The following MED13L variants were observed in gnomAD, a reference collection of about 807,000 sequenced individuals.
MED13L encodes mediator complex subunit 13L.
In MED13L, 7 loss-of-function variants were observed where a neutral mutation model predicts 220.9. The ratio of observed to expected loss-of-function variants is 0.03; its 90% CI spans 0.02 to 0.06. MED13L has a LOEUF of 0.06. MED13L is among the 10% of genes least tolerant of loss of function. The probability of loss-of-function intolerance (pLI) is 1.00; values close to 1 mark genes in which losing one functional copy is unlikely to be tolerated. For synonymous variants in MED13L, 1,011 were observed against 1,015.2 expected, an observed-to-expected ratio of 1.00 and a Z score of 0.08; for missense variants, 1,965 against 2,760.5, an observed-to-expected ratio of 0.71 and a Z score of 6.46.
chr12:116,184,643 C>A (rs1880757218), intron 2 of MED13L, among the ~76,000 whole-genome samples: 1 of 152,166 alleles, frequency 6.6e-6, no homozygotes, highest in Non-Finnish European at 1.5e-5. Flanking sequence ...TATACCAGAT[C>A]TCTAAGTTGC....
At chr12:116,056,346 C>T (rs1010195391) in intron 4 of MED13L, among the ~76,000 whole-genome samples, 11 of 151,816 alleles carry the variant, frequency 7.2e-5, no homozygotes, top group Non-Finnish European at 1.6e-4. Context: ...GGCACAATCA[C>T]GGCTCACTGC....
In MED13L at chr12:115,995,695, AT is replaced by A. The variant is rs1176377523; in HGVS notation, c.2996+780del. 1.3e-4 allele frequency among the ~76,000 whole-genome samples: 20 copies of A among 152,168 alleles called. 1 individual carries two copies. Among genetic ancestry groups the A allele is most frequent in the African/African-American group, 4.8e-4 (20 of 41,448 alleles). On this transcript the variant is annotated intron_variant, in intron 16 of 30. Coordinates refer to ENST00000281928, the MANE Select transcript of MED13L (RefSeq NM_015335.5). The stretch of plus-strand genomic sequence containing the variant: ...ACCTCGGCCTCCCAAAAGTGTTGGG[AT>A]TACGGTTTGAGCCACCGCACCCGGC...
chr12:115,967,784 C>T (rs1365111059), intron 28 of MED13L, among the ~76,000 whole-genome samples: 1 of 152,122 alleles, frequency 6.6e-6, no homozygotes, highest in Non-Finnish European at 1.5e-5. Context: ...AAATTAAACC[C>T]AACTTTAAAA....
intron 27 of MED13L, among the ~76,000 whole-genome samples, chr12:115,969,391 G>GTTTT (rs1322766607): frequency 3.3e-5 from 5 of 152,012 alleles, no homozygotes; most frequent in Non-Finnish European, 7.4e-5. Flanking sequence ...ATAAAAGTAT[G>GTTTT]GTAAAAGAGC....
intron 4 of MED13L, among the ~76,000 whole-genome samples, chr12:116,061,102 A>ATACT (rs1869439922): frequency 6.6e-6 from 1 of 152,226 alleles, no homozygotes; most frequent in East Asian, 1.9e-4. Context: ...TAACTTAGTA[A>ATACT]GACTATAGAT....
At chr12:116,091,269 T>A (rs1315875032) in intron 4 of MED13L, among the ~76,000 whole-genome samples, 1 of 152,078 alleles carries the variant, frequency 6.6e-6, no homozygotes, top group Admixed American at 6.6e-5. Context: ...TACTTTAAAG[T>A]GTAAAAATCA....
At chr12:116,251,369 C>G (rs1871540962) in intron 1 of MED13L, among the ~76,000 whole-genome samples, 1 of 124,804 alleles carries the variant, frequency 8.0e-6, no homozygotes, top group African/African-American at 3.0e-5. Context: ...ACTGTGTTAG[C>G]CACGATGGTC....
intron 14 of MED13L, 71 bp from the exon 15 acceptor site, chr12:115,997,301 C>A: frequency 7.5e-7 from 1 of 1,325,778 alleles, no homozygotes. Flanking sequence ...TATAGCCAGG[C>A]GCACTCTTTG....
At chr12:116,088,027 T>C (rs997101906) in intron 4 of MED13L, among the ~76,000 whole-genome samples, 2 of 152,014 alleles carry the variant, frequency 1.3e-5, no homozygotes, top group South Asian at 2.1e-4. Context: ...GAAGAAGATA[T>C]TAAAATCTGC....
intron 4 of MED13L, among the ~76,000 whole-genome samples, chr12:116,048,242 T>C (rs1299593299): frequency 6.6e-6 from 1 of 152,080 alleles, no homozygotes; most frequent in African/African-American, 2.4e-5. Context: ...CTCTAGGAAC[T>C]GAAAAAGGAA....
chr12:115,993,213 C>T (rs1207087282), intron 16 of MED13L, among the ~76,000 whole-genome samples: 1 of 152,078 alleles, frequency 6.6e-6, no homozygotes, highest in African/African-American at 2.4e-5. Flanking sequence ...TGGAATCAAT[C>T]CCCCAAGGAT....
intron 4 of MED13L, among the ~76,000 whole-genome samples, chr12:116,081,352 T>C (rs1019557162): frequency 2.0e-5 from 3 of 152,204 alleles, no homozygotes; most frequent in Non-Finnish European, 4.4e-5. Context: ...TAAACTGTAC[T>C]TTAGGATGCT....
chr12:116,009,631 G>T (rs769190335), intron 9 of MED13L, among the ~76,000 whole-genome samples: 1 of 152,186 alleles, frequency 6.6e-6, no homozygotes, highest in African/African-American at 2.4e-5. Context: ...AACTAAAACA[G>T]TAAGTTTCAA....
At chr12:116,066,215 A>G (rs917261951) in intron 4 of MED13L, among the ~76,000 whole-genome samples, 1 of 152,236 alleles carries the variant, frequency 6.6e-6, no homozygotes, top group Admixed American at 6.5e-5. Flanking sequence ...TGGACACACA[A>G]AAGTAAAAAA....
chr12:115,963,835 C>T (rs575732419), intron 29 of MED13L, among the ~76,000 whole-genome samples: 56 of 152,212 alleles, frequency 3.7e-4, no homozygotes, highest in Non-Finnish European at 5.3e-4. Flanking sequence ...GAATTGATAT[C>T]GCCAAGATGC....
At chr12:116,048,433 T>C (rs1357135250) in intron 4 of MED13L, among the ~76,000 whole-genome samples, 1 of 152,106 alleles carries the variant, frequency 6.6e-6, no homozygotes. Flanking sequence ...AGTGGTAAGA[T>C]ACAGGGCAAG....
chr12:115,984,594 C>T (rs1301324795), intron 19 of MED13L, among the ~76,000 whole-genome samples: 1 of 151,544 alleles, frequency 6.6e-6, no homozygotes, highest in Non-Finnish European at 1.5e-5. Context: ...ACTAGGCTCT[C>T]TAAAAAAAAA....
At chr12:116,085,906 GA>G (rs2137762405) in intron 4 of MED13L, among the ~76,000 whole-genome samples, 1 of 152,266 alleles carries the variant, frequency 6.6e-6, no homozygotes, top group East Asian at 1.9e-4. Context: ...AATTTAACTT[GA>G]ATTGCCAGGG....
chr12:116,041,671 C>G (rs1439349839), intron 4 of MED13L, among the ~76,000 whole-genome samples: 2 of 152,166 alleles, frequency 1.3e-5, no homozygotes, highest in Non-Finnish European at 2.9e-5. Context: ...GGTGAAACCC[C>G]GTCTCTACCA....
Sources: gnomAD v4.1 joint callset for allele counts (sites outside exome capture counted in the v4.1 genomes callset) on GRCh38, gnomAD v4.1.1 for gene constraint, MANE v1.5 for transcripts, NCBI Gene and HGNC (gene_info 2026-07-23, HGNC 2026-07-21) for gene names.